Variants in GAB1 observed in about 807,000 individuals in gnomAD.
GAB1 encodes GRB2 associated binding protein 1, also known as GRB2-associated-binding protein 1.
In GAB1, 19 loss-of-function variants were observed where a neutral mutation model predicts 66.5. The ratio of observed to expected loss-of-function variants is 0.29; its 90% CI spans 0.20 to 0.42. The LOEUF (loss-of-function observed/expected upper bound fraction) is 0.42, where lower values mean the gene tolerates loss of function less well. Among genes scored for constraint, GAB1 ranks in the 10% least tolerant of loss-of-function variants. The pLI is 1.00. For missense variants in GAB1, 732 were observed against 858.5 expected, an observed-to-expected ratio of 0.85 and a Z score of 1.84; for synonymous variants, 294 against 301.4, an observed-to-expected ratio of 0.98 and a Z score of 0.25.
chr4:143,440,956 T>G (rs1734196844), intron 6 of GAB1, among the ~76,000 whole-genome samples: 1 of 152,224 alleles, frequency 6.6e-6, no homozygotes, highest in African/African-American at 2.4e-5. Context: ...AAATCAGACT[T>G]AAGATTATTA....
rs1269299451 is a variant in GAB1, at chr4:143,368,806, CTT to C, written c.72+31553_72+31554del. 3.9e-5 allele frequency among the ~76,000 whole-genome samples: 6 copies of C among 151,978 alleles called. No homozygotes were observed. In the South Asian group the frequency reaches 1.3e-3, roughly 32 times the overall value. ...CAGGCCATATAAAGAAATACGAACT[CTT>C]TTTTTTCTTTTTGAGATAGAGGCTG... On this transcript the variant is annotated intron_variant, in intron 1 of 9. Coordinates refer to ENST00000262994, the MANE Select transcript of GAB1 (RefSeq NM_002039.4).
chr4:143,340,497 TTG>T (rs1486789601), intron 1 of GAB1, among the ~76,000 whole-genome samples: 1 of 151,996 alleles, frequency 6.6e-6, no homozygotes, highest in Non-Finnish European at 1.5e-5. Flanking sequence ...GACAAAAAAA[TTG>T]TTTTAGTTTT....
chr4:143,367,401 G>T (rs924391949), intron 1 of GAB1, among the ~76,000 whole-genome samples: 2 of 152,128 alleles, frequency 1.3e-5, no homozygotes, highest in African/African-American at 4.8e-5. Context: ...ATACTTAGAA[G>T]TCCTAAGTTT....
intron 1 of GAB1, among the ~76,000 whole-genome samples, chr4:143,366,293 CAATT>C (rs1263107951): frequency 1.3e-5 from 2 of 152,224 alleles, no homozygotes; most frequent in African/African-American, 4.8e-5. Context: ...TCATTAATAA[CAATT>C]AAGAGCAGTA....
At chr4:143,394,127 A>G (rs1000360772) in intron 1 of GAB1, among the ~76,000 whole-genome samples, 5 of 152,258 alleles carry the variant, frequency 3.3e-5, no homozygotes, top group Non-Finnish European at 7.4e-5. Context: ...CAAAAAAATT[A>G]GCTGGGCATG....
At position 143,438,064 on chromosome 4, in the gene GAB1, A is replaced by G; in HGVS notation, c.659A>G (p.His220Arg). 2.5e-6 allele frequency: 4 copies of G among 1,614,140 alleles called. No homozygotes were observed. Among genetic ancestry groups the G allele is most frequent in the South Asian group, 1.1e-5 (1 of 91,084 alleles). The change falls in exon 4 of 10, where the codon CAT becomes CGT. Residue 220 changes from histidine to arginine, a missense_variant. His to Arg is a conservative substitution (Grantham distance 29). This residue lies in a region of GAB1 where 427 missense variants were observed against 420.6 expected (regional missense o/e 1.02). Coordinates refer to ENST00000262994, the MANE Select transcript of GAB1 (RefSeq NM_002039.4). ...GACTGCAATGATAACGTCCCTTCTC[A>G]TAAAAATCCTGCTTCCTCCCAGAGC... ...ETDCNDNVPS[H>R]KNPASSQSKH...
rs369829471 is a variant in GAB1 at position 143,409,396 on chromosome 4, C to CG, written c.73-6080dup. 2.2e-4 allele frequency among the ~76,000 whole-genome samples: 33 copies of CG among 149,890 alleles called. 2 individuals carry two copies. The highest frequency in any genetic ancestry group is 8.1e-4 in the African/African-American group (33 of 40,644). ...AACAACTTTGAACTTTCCCCCCCCC[C>CG]GCTCTGAAATCTTTTCATTTAGTCT... On this transcript the variant is annotated intron_variant, in intron 1 of 9. Transcript: ENST00000262994.
chr4:143,446,921 GT>G (rs1194130097), intron 6 of GAB1, among the ~76,000 whole-genome samples: 2 of 151,554 alleles, frequency 1.3e-5, no homozygotes, highest in African/African-American at 4.8e-5. Context: ...GGTTTTTATG[GT>G]TTTAGGTCTA....
At position 143,378,241 on chromosome 4, in the gene GAB1, AAGAACT is replaced by A. The variant is rs771634844; in HGVS notation, c.73-37235_73-37230del. 3.6e-4 allele frequency among the ~76,000 whole-genome samples: 55 copies of A among 152,246 alleles called. 1 individual carries two copies. The highest frequency in any genetic ancestry group is 1.5e-4 in the Non-Finnish European group (10 of 68,034). Reference sequence around the variant, plus strand: ...TTAAAGAGACTTGGTGGTGTGGTAGAAGAACTCCCAGCAGACCTGAAGATGTAGCAG... The same window carrying A: ...TTAAAGAGACTTGGTGGTGTGGTAGACCCAGCAGACCTGAAGATGTAGCAG... On this transcript the variant is annotated intron_variant, in intron 1 of 9. Transcript: ENST00000262994.
At position 143,427,194 on chromosome 4, in the gene GAB1, T is replaced by C. The variant is rs769784568; in HGVS notation, c.368-6297T>C. ...AAGGCCAGGCTCCTCCCTATATCTA[T>C]CACTCCCCACTCTAAAGAAGTGCAT... is the stretch of plus-strand genomic sequence containing the variant. On this transcript the variant is annotated intron_variant, in intron 2 of 9. Transcript: ENST00000262994. 6.4e-4 allele frequency among the ~76,000 whole-genome samples: 97 copies of C among 152,280 alleles called. No individual in the cohort carries two copies. The Middle Eastern group carries it at 0.02, about 32-fold the overall frequency.
chr4:143,471,781 T>G lies in GAB1; in HGVS notation c.*2592T>G, dbSNP rs1367785569. ...TCTATACAAAAATAAGTTATCCTGG[T>G]AGTGGAAGTTAATACATAAGCAGTC... is the stretch of plus-strand genomic sequence containing the variant. On this transcript the variant is annotated 3_prime_UTR_variant, in exon 10 of 10. Coordinates refer to ENST00000262994, the MANE Select transcript of GAB1 (RefSeq NM_002039.4). 2.0e-5 allele frequency: 3 copies of G among 152,188 alleles called. No homozygotes were observed. The highest frequency in any genetic ancestry group is 2.9e-5 in the Non-Finnish European group (2 of 68,014). The allele number at this position is 152,188 out of a possible 1,614,324, so 9.4% of individuals were successfully genotyped here.
At position 143,438,208 on chromosome 4, in the gene GAB1, A is replaced by T; in HGVS notation, c.803A>T (p.Asp268Val). ...AACCTGCCCAGGAGTTATTCCCATG[A>T]TGTTTTACCAAAGGTGTCTCCATCA... The part of the protein sequence containing the change: ...LYNLPRSYSH[D>V]VLPKVSPSST... Residue 268 changes from aspartate (D) to valine (V), a missense_variant, in exon 4 of 10, where the codon GAT (aspartate) becomes GTT (valine). This residue lies in a region of GAB1 where 427 missense variants were observed against 420.6 expected (regional missense o/e 1.02). Coordinates refer to ENST00000262994, the MANE Select transcript of GAB1 (RefSeq NM_002039.4). 6.2e-7 allele frequency: 1 copy of T among 1,614,016 alleles called. No individual in the cohort carries two copies. Among genetic ancestry groups the T allele is most frequent in the South Asian group, 1.1e-5 (1 of 91,084 alleles).
rs1442640896 is a variant in GAB1 at position 143,383,509 on chromosome 4, A to T, written c.73-31968A>T. On this transcript the variant is annotated intron_variant, in intron 1 of 9. Transcript: ENST00000262994. ...AAATTCTGAGAAGTGTAAGAAAAGAAAAATTACTTGTAACTCTACTACTCA... is the reference window on the plus strand; with the variant it reads ...AAATTCTGAGAAGTGTAAGAAAAGATAAATTACTTGTAACTCTACTACTCA... Among the ~76,000 whole-genome samples, 2 of 152,224 alleles carry T rather than the reference A, an allele frequency of 1.3e-5. 1 individual carries two copies. The highest frequency in any genetic ancestry group is 2.9e-5 in the Non-Finnish European group (2 of 68,040).
At chr4:143,390,930 T>C (rs1034792354) in intron 1 of GAB1, among the ~76,000 whole-genome samples, 13 of 152,168 alleles carry the variant, frequency 8.5e-5, no homozygotes, top group African/African-American at 2.9e-4. Flanking sequence ...GCATGCGCAA[T>C]GTCTTCATGC....
intron 1 of GAB1, among the ~76,000 whole-genome samples, chr4:143,365,044 A>G (rs1313654818): frequency 6.6e-6 from 1 of 150,990 alleles, no homozygotes; most frequent in Admixed American, 6.6e-5. Flanking sequence ...CGCCTGGCTA[A>G]TTTTTTGTAT....
chr4:143,383,431 T>C (rs1315409304), intron 1 of GAB1, among the ~76,000 whole-genome samples: 2 of 152,236 alleles, frequency 1.3e-5, no homozygotes, highest in African/African-American at 4.8e-5. Context: ...TCTTTATGCT[T>C]AGTTCCTTTA....
chr4:143,379,046 A>G (rs1395036078), intron 1 of GAB1, among the ~76,000 whole-genome samples: 3 of 152,164 alleles, frequency 2.0e-5, no homozygotes, highest in Non-Finnish European at 4.4e-5. Context: ...TCTGGTAGAA[A>G]ATGTGTTATG....
intron 1 of GAB1, among the ~76,000 whole-genome samples, chr4:143,388,234 G>T (rs1356179224): frequency 6.6e-6 from 1 of 151,966 alleles, no homozygotes; most frequent in Non-Finnish European, 1.5e-5. Flanking sequence ...TTCTTGCAGA[G>T]AAAGAATCTG....
intron 1 of GAB1, among the ~76,000 whole-genome samples, chr4:143,378,172 A>G (rs1027862975): frequency 1.3e-5 from 2 of 152,256 alleles, no homozygotes; most frequent in African/African-American, 2.4e-5. Flanking sequence ...GCATAAGGAT[A>G]AATTTTGTTT....
Sources: gnomAD v4.1 joint callset for allele counts (sites outside exome capture counted in the v4.1 genomes callset) on GRCh38, gnomAD v4.1.1 for gene constraint, gnomAD v4.1.1 regional missense constraint, MANE v1.5 for transcripts, NCBI Gene and HGNC (gene_info 2026-07-23, HGNC 2026-07-21) for gene names.